The following MGAT5 variants were observed in gnomAD, a reference collection of about 807,000 sequenced individuals.
MGAT5 encodes the protein alpha-1,6-mannosylglycoprotein 6-beta-N-acetylglucosaminyltransferase.
Under a neutral mutation model 94.3 loss-of-function variants are expected in MGAT5, and 30 were observed. That is an observed-to-expected ratio of 0.32 (90% CI 0.24 to 0.43). The LOEUF (loss-of-function observed/expected upper bound fraction) is 0.43. Among genes scored for constraint, MGAT5 ranks in the 20% least tolerant of loss-of-function variants. MGAT5 has a pLI of 1.00. For missense variants in MGAT5, 691 were observed against 905.5 expected (o/e 0.76, Z 3.04); for synonymous variants, 310 against 322.9 (o/e 0.96, Z 0.43).
chr2:134,245,117 A>G (rs1463269685), intron 1 of MGAT5, among the ~76,000 whole-genome samples: 1 of 152,110 alleles, frequency 6.6e-6, no homozygotes, highest in Non-Finnish European at 1.5e-5. Context: ...GGTTCACGCC[A>G]TTCTCCTGCC....
chr2:134,273,419 G>A (rs549119315), intron 2 of MGAT5, among the ~76,000 whole-genome samples: 8 of 152,242 alleles, frequency 5.3e-5, no homozygotes, highest in East Asian at 1.9e-4. Context: ...GGAGACATGC[G>A]GTAATTGCTC....
In MGAT5 at chr2:134,336,396, C is replaced by A. The variant is rs55808184; in HGVS notation, c.645+108C>A. Reference sequence around the variant, plus strand: ...CCAACTATAACCTGAAATAGTGTTACACTGAAAAACTTCTGTATTCGTCTC... The same window carrying A: ...CCAACTATAACCTGAAATAGTGTTAAACTGAAAAACTTCTGTATTCGTCTC... On this transcript the variant is annotated intron_variant, in intron 5 of 15. Transcript: ENST00000281923. 1,308 of 873,468 alleles carry A rather than the reference C, an allele frequency of 1.5e-3. 1 individual carries two copies. Among genetic ancestry groups the A allele is most frequent in the Middle Eastern group, 2.1e-3 (8 of 3,818 alleles). 54.1% of individuals were successfully genotyped at this position (873,468 alleles called of 1,614,324 possible). A position where few individuals can be genotyped will look rare whatever the true frequency, so the allele number is the denominator to read the frequency against.
At chr2:134,135,468 C>T (rs1197705257) in intron 1 of MGAT5, among the ~76,000 whole-genome samples, 2 of 151,646 alleles carry the variant, frequency 1.3e-5, no homozygotes, top group Non-Finnish European at 2.9e-5. Flanking sequence ...CAGAGGCGGG[C>T]GGATCACGAG....
At chr2:134,374,372 A>G (rs1170844326) in intron 10 of MGAT5, among the ~76,000 whole-genome samples, 1 of 152,212 alleles carries the variant, frequency 6.6e-6, no homozygotes, top group African/African-American at 2.4e-5. Context: ...GATCCATGTC[A>G]TAAACACCTT....
In MGAT5 at chr2:134,403,024, A is replaced by C; in HGVS notation, c.1417A>C (p.Met473Leu). The change falls in exon 11 of 16, where the codon ATG (methionine) becomes CTG (leucine). Residue 473 changes from methionine (M) to leucine (L), a missense_variant. By Grantham distance (15) the Met-to-Leu change is conservative. Transcript: ENST00000281923. ...KIYLDIIHTY[M>L]EVHATVYGSS... is the part of the protein sequence containing the mutation. The stretch of plus-strand genomic sequence containing the variant: ...CTACTTGGACATTATTCACACATAC[A>C]TGGAAGTGCATGCAACTGTTTATGG... 1 of 1,609,746 alleles carries C rather than the reference A, an allele frequency of 6.2e-7. No individual in the cohort carries two copies. The highest frequency in any genetic ancestry group is 8.5e-7 in the Non-Finnish European group (1 of 1,179,052).
At chr2:134,220,473 C>T (rs1185648917) in intron 1 of MGAT5, among the ~76,000 whole-genome samples, 2 of 152,094 alleles carry the variant, frequency 1.3e-5, no homozygotes, top group African/African-American at 4.8e-5. Flanking sequence ...GGATGTCTCC[C>T]GCCAGTGCCA....
At chr2:134,176,064 G>A (rs1688448630) in intron 1 of MGAT5, among the ~76,000 whole-genome samples, 1 of 152,184 alleles carries the variant, frequency 6.6e-6, no homozygotes, top group Admixed American at 6.5e-5. Context: ...AGGAATTGGT[G>A]CCCATGGCTA....
At chr2:134,395,064 G>A (rs531331283) in intron 10 of MGAT5, among the ~76,000 whole-genome samples, 1 of 152,332 alleles carries the variant, frequency 6.6e-6, no homozygotes, top group South Asian at 2.1e-4. Context: ...GGCTGTGGTG[G>A]TGTGTTTTCA....
chr2:134,371,639 C>T (rs1680808448), intron 10 of MGAT5, among the ~76,000 whole-genome samples: 1 of 152,124 alleles, frequency 6.6e-6, no homozygotes. Context: ...GCCAACCAGC[C>T]CTGCATCTGG....
chr2:134,409,888 A>G (rs1039021521), intron 11 of MGAT5, among the ~76,000 whole-genome samples: 24 of 152,176 alleles, frequency 1.6e-4, no homozygotes, highest in African/African-American at 5.8e-4. Flanking sequence ...TCTGCTTAGC[A>G]TTAGTTCAGA....
chr2:134,271,533 G>C (rs1473950405), intron 2 of MGAT5, among the ~76,000 whole-genome samples: 1 of 151,816 alleles, frequency 6.6e-6, no homozygotes, highest in Non-Finnish European at 1.5e-5. Context: ...TTTCCCTTTT[G>C]CTTGTAAAAA....
intron 1 of MGAT5, among the ~76,000 whole-genome samples, chr2:134,259,571 G>A (rs1683190209): frequency 6.6e-6 from 1 of 152,222 alleles, no homozygotes; most frequent in African/African-American, 2.4e-5. Context: ...GGCTCAAGCA[G>A]CTGTGGGCTC....
At chr2:134,226,791 A>T (rs539373177) in intron 1 of MGAT5, among the ~76,000 whole-genome samples, 3 of 152,096 alleles carry the variant, frequency 2.0e-5, no homozygotes, top group Non-Finnish European at 4.4e-5. Flanking sequence ...CCCTGCTCTT[A>T]TGGGGTTTAT....
At chr2:134,431,268 G>T (rs2106387580) in intron 14 of MGAT5, among the ~76,000 whole-genome samples, 1 of 152,302 alleles carries the variant, frequency 6.6e-6, no homozygotes, top group Non-Finnish European at 1.5e-5. Flanking sequence ...AGGCTAAGGG[G>T]CAGTGGAACT....
chr2:134,346,599 A>G (rs939061062), intron 8 of MGAT5, among the ~76,000 whole-genome samples: 1 of 152,178 alleles, frequency 6.6e-6, no homozygotes, highest in Non-Finnish European at 1.5e-5. Flanking sequence ...TTTAAAAATC[A>G]GAAATTTAAT....
chr2:134,276,086 G>A (rs1035973096), intron 2 of MGAT5, among the ~76,000 whole-genome samples: 4 of 152,048 alleles, frequency 2.6e-5, no homozygotes, highest in African/African-American at 4.8e-5. Flanking sequence ...CGCCTGAGAC[G>A]CTGAAGTTTC....
intron 1 of MGAT5, among the ~76,000 whole-genome samples, chr2:134,234,456 A>T (rs2105410853): frequency 6.6e-6 from 1 of 152,358 alleles, no homozygotes; most frequent in Middle Eastern, 3.4e-3. Flanking sequence ...ATATATCAAG[A>T]ATTATAAGAC....
chr2:134,301,921 CTGGGGGA>C (rs1558772737), intron 2 of MGAT5, among the ~76,000 whole-genome samples: 2 of 151,920 alleles, frequency 1.3e-5, no homozygotes, highest in African/African-American at 2.4e-5. Context: ...TGAAAGAGAC[CTGGGGGA>C]TGCAAGTCTT....
At chr2:134,198,816 C>G (rs1679624880) in intron 1 of MGAT5, among the ~76,000 whole-genome samples, 1 of 152,178 alleles carries the variant, frequency 6.6e-6, no homozygotes. Flanking sequence ...CTTTTGGTAA[C>G]TGCATCATGT....
Sources: gnomAD v4.1 joint callset for allele counts (sites outside exome capture counted in the v4.1 genomes callset) on GRCh38, gnomAD v4.1.1 for gene constraint, MANE v1.5 for transcripts, NCBI Gene and HGNC (gene_info 2026-07-23, HGNC 2026-07-21) for gene names.